Variants in PGM1 observed in about 807,000 individuals in gnomAD.
The protein encoded by PGM1 is phosphoglucomutase-1.
PGM1 carries 52 observed loss-of-function variants against 55.6 expected under a neutral mutation model. The ratio of observed to expected loss-of-function variants is 0.94; its 90% CI spans 0.75 to 1.18. The LOEUF (loss-of-function observed/expected upper bound fraction) is 1.18. Ranked by LOEUF, PGM1 falls within the 50% of genes most tolerant of loss-of-function variation. PGM1 has a pLI of 0.00. For synonymous variants in PGM1, 287 were observed against 271.7 expected (o/e 1.06, Z -0.55); for missense variants, 724 against 729.3 (o/e 0.99, Z 0.08).
intron 5 of PGM1, among the ~76,000 whole-genome samples, chr1:63,635,325 G>T (rs1231116416): frequency 6.6e-6 from 1 of 152,130 alleles, no homozygotes; most frequent in African/African-American, 2.4e-5. Flanking sequence ...CTGTCTTAAG[G>T]TGGGTTTCTG....
chr1:63,605,967 CTG>C (rs1174006701), intron 1 of PGM1, among the ~76,000 whole-genome samples: 1 of 152,178 alleles, frequency 6.6e-6, no homozygotes, highest in African/African-American at 2.4e-5. Flanking sequence ...CATCTCAACT[CTG>C]TGATGGCACA....
At chr1:63,607,270 T>C (rs998623656) in intron 1 of PGM1, among the ~76,000 whole-genome samples, 2 of 152,164 alleles carry the variant, frequency 1.3e-5, no homozygotes. Flanking sequence ...CACAGGATCA[T>C]GAGAAGCAAA....
At chr1:63,609,284 A>C (rs1481663758) in intron 1 of PGM1, among the ~76,000 whole-genome samples, 1 of 152,260 alleles carries the variant, frequency 6.6e-6, no homozygotes, top group Non-Finnish European at 1.5e-5. Context: ...TACTGGGCCC[A>C]GGCCAATGTC....
chr1:63,657,329 C>G (rs1649994911), intron 10 of PGM1, among the ~76,000 whole-genome samples: 1 of 152,082 alleles, frequency 6.6e-6, no homozygotes, highest in South Asian at 2.1e-4. Context: ...TTTTATGAAT[C>G]TTGGTTTCCT....
chr1:63,635,657 A>G (rs372236714), intron 5 of PGM1, among the ~76,000 whole-genome samples: 40 of 152,210 alleles, frequency 2.6e-4, no homozygotes, highest in Non-Finnish European at 1.2e-4. Context: ...TAGTGTTACC[A>G]TTAGCTAGAA....
At chr1:63,593,810 C>T in intron 1 of PGM1, 76 bp downstream of exon 1, 1 of 1,415,614 alleles carries the variant, frequency 7.1e-7, no homozygotes, top group Non-Finnish European at 9.1e-7. Context: ...CCCTCCCTCG[C>T]TCGGGGCCGG....
intron 7 of PGM1, among the ~76,000 whole-genome samples, chr1:63,642,888 T>C (rs895470265): frequency 1.3e-5 from 2 of 152,236 alleles, no homozygotes; most frequent in Admixed American, 6.5e-5. Flanking sequence ...CTCAAATATT[T>C]ATTGAACTTT....
intron 4 of PGM1, among the ~76,000 whole-genome samples, chr1:63,634,485 C>G (rs938862928): frequency 6.6e-5 from 10 of 152,170 alleles, no homozygotes; most frequent in African/African-American, 2.4e-4. Context: ...GGCTCTTAAG[C>G]TCTAAGCTGT....
intron 10 of PGM1, among the ~76,000 whole-genome samples, chr1:63,658,728 G>A (rs1250872343): frequency 6.6e-6 from 1 of 150,602 alleles, no homozygotes. Context: ...CTCCAGCCTG[G>A]GCAACAAGAG....
chr1:63,643,121 T>C (rs2100994255), intron 7 of PGM1, among the ~76,000 whole-genome samples: 2 of 152,308 alleles, frequency 1.3e-5, no homozygotes, highest in South Asian at 2.1e-4. Context: ...ACTGAGTACA[T>C]TTCCCTGTAG....
chr1:63,603,386 A>G (rs1005457557), intron 1 of PGM1, among the ~76,000 whole-genome samples: 9 of 152,238 alleles, frequency 5.9e-5, no homozygotes, highest in African/African-American at 2.2e-4. Context: ...GGAGTAGGGA[A>G]GTGCGGAGAT....
At chr1:63,640,640 C>T (rs1649490979) in intron 7 of PGM1, among the ~76,000 whole-genome samples, 1 of 152,190 alleles carries the variant, frequency 6.6e-6, no homozygotes, top group Non-Finnish European at 1.5e-5. Flanking sequence ...GCCCCAGAGC[C>T]AAGTAGGAAT....
Position 63,628,952 on chromosome 1 carries a change from T to A in PGM1, c.247-473T>A, listed in dbSNP as rs926184309. Among the ~76,000 whole-genome samples the A allele has an allele frequency of 3.3e-5, 5 of 152,224 alleles. No individual in the cohort carries two copies. In the East Asian group the frequency reaches 9.6e-4, roughly 29 times the overall value. On this transcript the variant is annotated intron_variant, in intron 1 of 10. Coordinates refer to ENST00000371084, the MANE Select transcript of PGM1 (RefSeq NM_002633.3). Reference sequence around the variant, plus strand: ...GAGTCATTTTTCAATAATCTTGATATAAAATTTGCCCTTTTTACTTTAAAA... The same window carrying A: ...GAGTCATTTTTCAATAATCTTGATAAAAAATTTGCCCTTTTTACTTTAAAA...
chr1:63,644,218 G>A (rs781533675), intron 7 of PGM1, among the ~76,000 whole-genome samples: 2 of 152,246 alleles, frequency 1.3e-5, no homozygotes, highest in Non-Finnish European at 2.9e-5. Context: ...CCGAAGTAAA[G>A]TGACAGGTGT....
chr1:63,595,903 T>C (rs1309041854), intron 1 of PGM1, among the ~76,000 whole-genome samples: 1 of 152,202 alleles, frequency 6.6e-6, no homozygotes, highest in Non-Finnish European at 1.5e-5. Flanking sequence ...ATTGCTCTTC[T>C]CTCAGCCAAC....
chr1:63,630,161 T>C, intron 3 of PGM1, 73 bp downstream of exon 3: 1 of 1,397,500 alleles, frequency 7.2e-7, no homozygotes, highest in Non-Finnish European at 1.0e-6. Flanking sequence ...AACGTTTTAG[T>C]AGAGGGTCTT....
chr1:63,640,972 A>G (rs1184418541), intron 7 of PGM1, among the ~76,000 whole-genome samples: 2 of 152,216 alleles, frequency 1.3e-5, no homozygotes, highest in Non-Finnish European at 2.9e-5. Context: ...TTTTCTTGAC[A>G]TAACTTTCCT....
intron 1 of PGM1, among the ~76,000 whole-genome samples, chr1:63,602,157 C>T (rs923900680): frequency 6.6e-6 from 1 of 152,044 alleles, no homozygotes; most frequent in Non-Finnish European, 1.5e-5. Flanking sequence ...GCAAGTAGTT[C>T]TGGGGATTGT....
intron 7 of PGM1, among the ~76,000 whole-genome samples, chr1:63,639,925 A>T (rs1286297099): frequency 6.6e-6 from 1 of 152,204 alleles, no homozygotes; most frequent in Non-Finnish European, 1.5e-5. Context: ...GCCTTGATAG[A>T]ATTGGAAGGT....
Sources: allele counts gnomAD v4.1 joint callset (sites outside exome capture counted in the v4.1 genomes callset), GRCh38; gene constraint gnomAD v4.1.1; transcripts MANE v1.5; gene names NCBI Gene and HGNC (gene_info 2026-07-23, HGNC 2026-07-21).